Variants in ACOT9 observed in about 807,000 individuals in gnomAD.
ACOT9 encodes acyl-CoA thioesterase 9.
ACOT9 carries 34 observed loss-of-function variants against 39.7 expected under a neutral mutation model. The observed-to-expected ratio is 0.86, with a 90% confidence interval of 0.65 to 1.14. The LOEUF is 1.14. Ranked by LOEUF, ACOT9 falls within the 50% of genes most tolerant of loss-of-function variation. The pLI, the probability that ACOT9 is intolerant of heterozygous loss-of-function variation, is 0.00. For missense variants in ACOT9, 313 were observed against 344.1 expected (o/e 0.91, Z 0.71); for synonymous variants, 110 against 120.5 (o/e 0.91, Z 0.57).
At chrX:23,738,403 G>A (rs1386017365) in intron 1 of ACOT9, among the ~76,000 whole-genome samples, 3 of 107,222 alleles carry the variant, frequency 2.8e-5, no homozygotes, top group Non-Finnish European at 5.8e-5. Context: ...GAGGTCAGGA[G>A]TCCGAGACCA....
rs1344190913 is a variant in ACOT9, at chrX:23,706,746, C to A, written c.731-7G>T. 1 of 1,100,351 alleles carries A rather than the reference C, an allele frequency of 9.1e-7. No individual in the cohort carries two copies. Among genetic ancestry groups the A allele is most frequent in the African/African-American group, 1.9e-5 (1 of 53,862 alleles). The allele number at this position is 1,100,351 out of a possible 1,213,427, so 90.7% of individuals were successfully genotyped here. On this transcript the variant is annotated splice_polypyrimidine_tract_variant and splice_region_variant and intron_variant, in intron 10 of 15. Coordinates refer to ENST00000379303, the MANE Select transcript of ACOT9 (RefSeq NM_001037171.2). ...ATTCTTCTCCCCTTGTTCACTGGAACAAGGGAGAATAAGGAGCAATGATCA... is the reference window on the plus strand; with the variant it reads ...ATTCTTCTCCCCTTGTTCACTGGAAAAAGGGAGAATAAGGAGCAATGATCA...
Position 23,705,533 on chromosome X carries a change from G to A in ACOT9, c.995C>T (p.Ala332Val), listed in dbSNP as rs747881458. ...GFLMRKAYEL[A>V]WATACSFGGS... The stretch of plus-strand genomic sequence containing the variant: ...CCCAAAGCTACAAGCAGTAGCCCAC[G>A]CAAGTTCATATGCCTTCCTCATAAG... The change falls in exon 13 of 16, where the codon GCG (alanine) becomes GTG (valine). Residue 332 changes from alanine to valine, a missense_variant. By Grantham distance (64) the Ala-to-Val change is moderately conservative. Coordinates refer to ENST00000379303, the MANE Select transcript of ACOT9 (RefSeq NM_001037171.2). 1.1e-5 allele frequency: 13 copies of A among 1,210,094 alleles called. No individual in the cohort carries two copies. Among genetic ancestry groups the A allele is most frequent in the Non-Finnish European group, 1.5e-5 (13 of 894,478 alleles).
At chrX:23,727,071 C>A (rs1292436279) in intron 6 of ACOT9, among the ~76,000 whole-genome samples, 1 of 112,319 alleles carries the variant, frequency 8.9e-6, no homozygotes, top group Non-Finnish European at 1.9e-5. Context: ...CCACCCGCCT[C>A]GGCCTCCCAA....
At chrX:23,725,916 A>G (rs1929504310) in intron 6 of ACOT9, among the ~76,000 whole-genome samples, 1 of 101,709 alleles carries the variant, frequency 9.8e-6, no homozygotes, top group African/African-American at 3.6e-5. Flanking sequence ...AAAATTCAAA[A>G]GGCCGGGCGC....
At chrX:23,728,915 G>C (rs146009041) in intron 6 of ACOT9, among the ~76,000 whole-genome samples, 1,424 of 111,313 alleles carry the variant, frequency 0.013, 27 homozygotes, top group African/African-American at 0.045. Flanking sequence ...ACAGAAGCTA[G>C]CCTGAAGGGA....
intron 2 of ACOT9, among the ~76,000 whole-genome samples, chrX:23,735,448 G>C (rs1929918271): frequency 9.1e-6 from 1 of 109,730 alleles, no homozygotes; most frequent in Non-Finnish European, 1.9e-5. Context: ...AATTTATTTG[G>C]ACCCTTTAAA....
intron 8 of ACOT9, among the ~76,000 whole-genome samples, chrX:23,720,481 C>A (rs1048385087): frequency 9.0e-6 from 1 of 111,332 alleles, no homozygotes; most frequent in Non-Finnish European, 1.9e-5. Flanking sequence ...TAGCAGCATC[C>A]TGACAAGAGA....
Position 23,703,623 on chromosome X carries a change from A to AT in ACOT9, c.*270dup, listed in dbSNP as rs1190337211. 2 of 234,831 alleles carry AT rather than the reference A, an allele frequency of 8.5e-6. No homozygotes were observed. Among genetic ancestry groups the AT allele is most frequent in the Admixed American group, 6.5e-5 (1 of 15,500 alleles). The allele number at this position is 234,831 out of a possible 1,213,427, so 19.4% of individuals were successfully genotyped here. A position where few individuals can be genotyped will look rare whatever the true frequency, so the allele number is the denominator to read the frequency against. ...ATGAGCCACCACGCCCAGCCTCTCA[A>AT]TTTTTTTGTTTTTTCAGAAGATGGG... On this transcript the variant is annotated 3_prime_UTR_variant, in exon 16 of 16. Coordinates refer to ENST00000379303, the MANE Select transcript of ACOT9 (RefSeq NM_001037171.2).
intron 4 of ACOT9, 58 bp downstream of exon 4, chrX:23,733,114 T>C: frequency 9.3e-7 from 1 of 1,076,306 alleles, no homozygotes; most frequent in Non-Finnish European, 1.3e-6. Flanking sequence ...TGAGCCTAAA[T>C]ACAGTGTAGT....
Position 23,718,543 on chromosome X carries a change from G to A in ACOT9, c.588+3338C>T, listed in dbSNP as rs188465098. Among the ~76,000 whole-genome samples the A allele has an allele frequency of 2.9e-4, 33 of 112,339 alleles. No homozygotes were observed. The East Asian group carries it at 7.2e-3, about 25-fold the overall frequency. ...CAAGATGCCCTAAAAGGCAGGTCCT[G>A]TGCCAGGAATCTGCTGTGCATGGCA... On this transcript the variant is annotated intron_variant, in intron 8 of 15. Coordinates refer to ENST00000379303, the MANE Select transcript of ACOT9 (RefSeq NM_001037171.2).
Position 23,722,599 on chromosome X carries a change from G to A in ACOT9, c.484+71C>T, listed in dbSNP as rs752214682. ...AAAAATTCCCATAAAAGGAGAGTAC[G>A]TCCTGTAATCTCAATAATATCTTGA... On this transcript the variant is annotated intron_variant, in intron 7 of 15. Transcript: ENST00000379303. 9.2e-5 allele frequency: 68 copies of A among 742,102 alleles called. 1 individual carries two copies. In the East Asian group the frequency reaches 9.4e-4, roughly 10 times the overall value. The allele number at this position is 742,102 out of a possible 1,213,427, so 61.2% of individuals were successfully genotyped here.
rs184170573 is a variant in ACOT9 at position 23,735,535 on chromosome X, T to C, written c.118+384A>G. On this transcript the variant is annotated intron_variant, in intron 2 of 15. Coordinates refer to ENST00000379303, the MANE Select transcript of ACOT9 (RefSeq NM_001037171.2). The stretch of plus-strand genomic sequence containing the variant: ...CATAGTTTACGTATCATATTGGTAA[T>C]TGAAATTAACTTTAATTAAGCATGG... 3.0e-4 allele frequency among the ~76,000 whole-genome samples: 33 copies of C among 111,668 alleles called. No individual in the cohort carries two copies. In the East Asian group the frequency reaches 7.3e-3, roughly 25 times the overall value.
intron 6 of ACOT9, among the ~76,000 whole-genome samples, chrX:23,723,326 T>C (rs1312366869): frequency 9.9e-5 from 11 of 111,547 alleles, no homozygotes; most frequent in Non-Finnish European, 2.1e-4. Context: ...GTCGTATAAT[T>C]ATACGTTGGG....
At chrX:23,739,047 T>C (rs1441969954) in intron 1 of ACOT9, among the ~76,000 whole-genome samples, 2 of 111,042 alleles carry the variant, frequency 1.8e-5, no homozygotes, top group East Asian at 5.7e-4. Flanking sequence ...CACTTGAGGT[T>C]AGGAGTTTGA....
intron 8 of ACOT9, among the ~76,000 whole-genome samples, chrX:23,716,974 C>G (rs184351324): frequency 9.0e-6 from 1 of 111,715 alleles, no homozygotes; most frequent in Non-Finnish European, 1.9e-5. Context: ...TCTGCCTCAG[C>G]CTCCGCAGTA....
intron 3 of ACOT9, among the ~76,000 whole-genome samples, chrX:23,734,008 G>A (rs1929849708): frequency 8.9e-6 from 1 of 111,764 alleles, no homozygotes; most frequent in African/African-American, 3.3e-5. Flanking sequence ...TGATCCGCCT[G>A]CCTCGGCCTC....
chrX:23,705,672 C>T, intron 12 of ACOT9, 78 bp from the exon 13 acceptor site: 9 of 1,119,227 alleles, frequency 8.0e-6, no homozygotes, highest in Non-Finnish European at 1.1e-5. Flanking sequence ...ATTAACAATG[C>T]CACAGGACAA....
chrX:23,731,688 C>A (rs922594149), intron 4 of ACOT9, among the ~76,000 whole-genome samples: 1 of 109,434 alleles, frequency 9.1e-6, no homozygotes, highest in African/African-American at 3.3e-5. Context: ...CATTTCTCAC[C>A]TGACAGTTCT....
At position 23,701,791 on chromosome X, in the gene ACOT9, C is replaced by T. The variant is rs1160641789; in HGVS notation, c.*2103G>A. Among the ~76,000 whole-genome samples, 7 of 111,082 alleles carry T rather than the reference C, an allele frequency of 6.3e-5. No homozygotes were observed. Among genetic ancestry groups the T allele is most frequent in the South Asian group, 3.9e-4 (1 of 2,567 alleles). ...ATTTTTTGTTAAAAATGCTTTCCAC[C>T]GGCCGGGTGCAGTGGCTCATGCCTA... On this transcript the variant is annotated 3_prime_UTR_variant, in exon 16 of 16. Coordinates refer to ENST00000379303, the MANE Select transcript of ACOT9 (RefSeq NM_001037171.2).
Sources: gnomAD v4.1 joint callset for allele counts (sites outside exome capture counted in the v4.1 genomes callset) on GRCh38, gnomAD v4.1.1 for gene constraint, MANE v1.5 for transcripts, NCBI Gene and HGNC (gene_info 2026-07-23, HGNC 2026-07-21) for gene names.